ENPP6: variants seen among roughly 807,000 people sequenced by gnomAD.
ENPP6 encodes glycerophosphocholine cholinephosphodiesterase ENPP6.
Under a neutral mutation model 42.0 loss-of-function variants are expected in ENPP6, and 32 were observed. That is an observed-to-expected ratio of 0.76 (90% CI 0.58 to 1.02). The LOEUF is 1.02. Among genes scored for constraint, ENPP6 ranks in the 50% least tolerant of loss-of-function variants. The pLI, the probability that ENPP6 is intolerant of heterozygous loss-of-function variation, is 0.00. For missense variants in ENPP6, 552 were observed against 566.8 expected (o/e 0.97, Z 0.27); for synonymous variants, 213 against 216.0 (o/e 0.99, Z 0.12).
chr4:184,107,504 G>T (rs996340863), intron 6 of ENPP6, among the ~76,000 whole-genome samples: 1 of 152,224 alleles, frequency 6.6e-6, no homozygotes, highest in Admixed American at 6.5e-5. Flanking sequence ...CAGCAGTCCC[G>T]CTGGATGACT....
chr4:184,151,031 T>C (rs1737015175), intron 2 of ENPP6, among the ~76,000 whole-genome samples: 1 of 152,228 alleles, frequency 6.6e-6, no homozygotes, highest in Admixed American at 6.5e-5. Context: ...GCTATATAAA[T>C]TTGTATTCTC....
intron 3 of ENPP6, among the ~76,000 whole-genome samples, chr4:184,123,888 T>C (rs1736458705): frequency 6.6e-6 from 1 of 152,224 alleles, no homozygotes; most frequent in South Asian, 2.1e-4. Flanking sequence ...ATGACATTTA[T>C]ATTGTTTCTC....
Position 184,116,961 on chromosome 4 carries a change from G to A in ENPP6, c.750C>T (p.Asp250=), listed in dbSNP as rs1736325094. The A allele has an allele frequency of 6.2e-7, 1 of 1,614,008 alleles. No individual in the cohort carries two copies. The highest frequency in any genetic ancestry group is 8.5e-7 in the Non-Finnish European group (1 of 1,180,038). The change falls in exon 5 of 8, where the codon GAC becomes GAT. Residue 250 remains aspartate (D), a synonymous_variant. Transcript: ENST00000296741. ...TGTACTTATTCAGCTCAATCACTTT[G>A]TCCATCCAGAAAATGTCGGTCATTC... ...DHGMTDIFWM[D]KVIELNKYIS... is the part of the protein sequence containing the mutation.
intron 1 of ENPP6, among the ~76,000 whole-genome samples, chr4:184,216,196 G>A (rs866530069): frequency 6.6e-6 from 1 of 152,252 alleles, no homozygotes; most frequent in African/African-American, 2.4e-5. Flanking sequence ...TCACGTCTAT[G>A]TGAGAGCCGG....
intron 6 of ENPP6, among the ~76,000 whole-genome samples, chr4:184,102,226 T>A (rs1355724617): frequency 6.6e-6 from 1 of 152,204 alleles, no homozygotes; most frequent in Non-Finnish European, 1.5e-5. Context: ...CATTGTAGGA[T>A]TCCTTTGAGT....
chr4:184,100,458 A>G (rs1027906598), intron 6 of ENPP6, among the ~76,000 whole-genome samples: 1 of 152,174 alleles, frequency 6.6e-6, no homozygotes. Flanking sequence ...TGCGGGGCCC[A>G]GGGACTGCCA....
intron 2 of ENPP6, among the ~76,000 whole-genome samples, chr4:184,139,170 C>T (rs1736778877): frequency 6.6e-6 from 1 of 152,208 alleles, no homozygotes. Flanking sequence ...AAAGGGAAAA[C>T]ATCTGCCCTT....
intron 1 of ENPP6, 152 bp downstream of exon 1, chr4:184,217,427 G>C (rs1733214946): frequency 1.7e-6 from 2 of 1,165,160 alleles, no homozygotes; most frequent in African/African-American, 3.1e-5. Flanking sequence ...AGTCTTCTCA[G>C]CCAAGAACAC....
intron 5 of ENPP6, 64 bp downstream of exon 5, chr4:184,116,792 A>G: frequency 6.4e-7 from 1 of 1,568,796 alleles, no homozygotes; most frequent in South Asian, 1.1e-5. Context: ...AGGAAAAGAC[A>G]GTGCAGATGG....
chr4:184,138,819 G>T (rs1175408115), intron 2 of ENPP6, among the ~76,000 whole-genome samples: 2 of 152,204 alleles, frequency 1.3e-5, no homozygotes, highest in Non-Finnish European at 2.9e-5. Flanking sequence ...TAAGAGGTGA[G>T]ATCCATCTGA....
intron 2 of ENPP6, among the ~76,000 whole-genome samples, chr4:184,125,664 A>G (rs1736491484): frequency 6.6e-6 from 1 of 152,050 alleles, no homozygotes; most frequent in African/African-American, 2.4e-5. Context: ...GAGAGACCCT[A>G]TTGCTTTCTG....
chr4:184,156,274 T>C (rs1041737208), intron 1 of ENPP6, among the ~76,000 whole-genome samples: 1 of 152,202 alleles, frequency 6.6e-6, no homozygotes, highest in African/African-American at 2.4e-5. Flanking sequence ...TTGTCCCGCC[T>C]TCCCATGAAT....
rs1732604703 is a variant in ENPP6, at chr4:184,184,816, A to T, written c.242-31083T>A. ...ACAGATTCTCCCTCGGAGCACCGAG[A>T]AGGCAAAACCCTTGATTTTGGACTT... On this transcript the variant is annotated intron_variant, in intron 1 of 7. Transcript: ENST00000296741. The surrounding 1 kb of genome is among the most constrained non-coding windows in gnomAD (Gnocchi z 4.7). 6.6e-6 allele frequency among the ~76,000 whole-genome samples: 1 copy of T among 152,114 alleles called. No individual in the cohort carries two copies. Among genetic ancestry groups the T allele is most frequent in the Non-Finnish European group, 1.5e-5 (1 of 68,010 alleles).
At chr4:184,091,850 A>G (rs374758028) in intron 7 of ENPP6, among the ~76,000 whole-genome samples, 1 of 152,322 alleles carries the variant, frequency 6.6e-6, no homozygotes, top group East Asian at 1.9e-4. Context: ...GAGCCATGAT[A>G]GTGCCACTGT....
intron 1 of ENPP6, among the ~76,000 whole-genome samples, chr4:184,187,883 T>C (rs985709612): frequency 6.6e-6 from 1 of 152,208 alleles, no homozygotes; most frequent in African/African-American, 2.4e-5. Flanking sequence ...ACCTATTATT[T>C]ACACATAGCA....
intron 2 of ENPP6, among the ~76,000 whole-genome samples, chr4:184,136,275 G>A (rs1736728958): frequency 6.6e-6 from 1 of 151,610 alleles, no homozygotes; most frequent in Non-Finnish European, 1.5e-5. Flanking sequence ...GAAAATACAA[G>A]AACATTCAGA....
At chr4:184,152,054 G>A (rs1174220094) in intron 2 of ENPP6, among the ~76,000 whole-genome samples, 1 of 152,208 alleles carries the variant, frequency 6.6e-6, no homozygotes, top group East Asian at 1.9e-4. Flanking sequence ...GTGTCTGCTG[G>A]GAGAGCCTGT....
chr4:184,168,283 T>C lies in ENPP6; in HGVS notation c.242-14550A>G, dbSNP rs79923420. Among the ~76,000 whole-genome samples, 924 of 152,282 alleles carry C rather than the reference T, an allele frequency of 6.1e-3. 7 individuals are homozygous for C. The highest frequency in any genetic ancestry group is 0.021 in the African/African-American group (852 of 41,558). ...GGCACGATGTCTTCCGCACGATGTC[T>C]GGCGCGGAAAAGGCCAATCCTATCA... On this transcript the variant is annotated intron_variant, in intron 1 of 7. Transcript: ENST00000296741.
chr4:184,137,769 C>A (rs939982327), intron 2 of ENPP6, among the ~76,000 whole-genome samples: 1 of 152,174 alleles, frequency 6.6e-6, no homozygotes, highest in Admixed American at 6.5e-5. Flanking sequence ...CCTTGGTGGG[C>A]CCTGAACTCC....
Sources: allele counts gnomAD v4.1 joint callset (sites outside exome capture counted in the v4.1 genomes callset), GRCh38; gene constraint gnomAD v4.1.1; non-coding constraint Gnocchi (gnomAD v3.1); transcripts MANE v1.5; gene names NCBI Gene and HGNC (gene_info 2026-07-23, HGNC 2026-07-21).